Variants in FHIP1A observed in about 807,000 individuals in gnomAD.
The protein encoded by FHIP1A is FHF complex subunit HOOK interacting protein 1A, also known as FHF complex subunit HOOK-interacting protein 1A.
Under a neutral mutation model 88.6 loss-of-function variants are expected in FHIP1A, and 61 were observed. That is an observed-to-expected ratio of 0.69 (90% CI 0.56 to 0.85). The LOEUF is 0.85. Among genes scored for constraint, FHIP1A ranks in the 40% least tolerant of loss-of-function variants. The probability of loss-of-function intolerance (pLI) is 0.00; values close to 1 mark genes in which losing one functional copy is unlikely to be tolerated. For missense variants in FHIP1A, 1,154 were observed against 1,273.5 expected, an observed-to-expected ratio of 0.91 and a Z score of 1.43; for synonymous variants, 478 against 496.0, an observed-to-expected ratio of 0.96 and a Z score of 0.48.
chr4:151,541,008 G>A (rs558946006), intron 3 of FHIP1A, among the ~76,000 whole-genome samples: 25 of 152,168 alleles, frequency 1.6e-4, no homozygotes, highest in Non-Finnish European at 3.4e-4. Flanking sequence ...GAGTATGTAC[G>A]TACCTCCTAA....
chr4:151,596,340 ATG>A (rs2126821252), intron 7 of FHIP1A, among the ~76,000 whole-genome samples: 1 of 152,280 alleles, frequency 6.6e-6, no homozygotes, highest in East Asian at 1.9e-4. Context: ...AGAATGTTGA[ATG>A]TTGGCCCCCA....
chr4:151,612,884 A>C (rs1428119855), intron 7 of FHIP1A, among the ~76,000 whole-genome samples: 1 of 152,232 alleles, frequency 6.6e-6, no homozygotes, highest in Non-Finnish European at 1.5e-5. Flanking sequence ...GAGTGGCAGT[A>C]GCAGCACAGA....
At chr4:151,583,409 CCTT>C (rs1734096535) in intron 5 of FHIP1A, among the ~76,000 whole-genome samples, 1 of 152,194 alleles carries the variant, frequency 6.6e-6, no homozygotes, top group South Asian at 2.1e-4. Context: ...TAGAGAGTAT[CCTT>C]CTGTACAGGG....
intron 7 of FHIP1A, among the ~76,000 whole-genome samples, chr4:151,608,567 A>T (rs971595988): frequency 1.3e-5 from 2 of 152,236 alleles, no homozygotes; most frequent in African/African-American, 4.8e-5. Flanking sequence ...GCCGGCACCC[A>T]GGTGCTCCAG....
intron 7 of FHIP1A, among the ~76,000 whole-genome samples, chr4:151,593,062 T>G (rs926774983): frequency 1.3e-5 from 2 of 152,062 alleles, no homozygotes; most frequent in African/African-American, 4.8e-5. Context: ...TGTCGAAGAT[T>G]AGGTGGTTGT....
chr4:151,431,735 A>G (rs913790486), intron 1 of FHIP1A, among the ~76,000 whole-genome samples: 1 of 152,244 alleles, frequency 6.6e-6, no homozygotes, highest in Non-Finnish European at 1.5e-5. Context: ...ATAATGACCC[A>G]TTCAAGTTCA....
intron 3 of FHIP1A, among the ~76,000 whole-genome samples, chr4:151,534,365 T>C: frequency 6.6e-6 from 1 of 152,228 alleles, no homozygotes. Flanking sequence ...ATGGAGCTTC[T>C]ATTGTGTCAC....
chr4:151,536,569 T>C (rs1225979084), intron 3 of FHIP1A, among the ~76,000 whole-genome samples: 1 of 152,200 alleles, frequency 6.6e-6, no homozygotes, highest in Non-Finnish European at 1.5e-5. Flanking sequence ...ATGAAACTAT[T>C]TGAGATTGGC....
chr4:151,416,811 TCTCA>T (rs1732908454), intron 1 of FHIP1A, among the ~76,000 whole-genome samples: 1 of 151,814 alleles, frequency 6.6e-6, no homozygotes, highest in Non-Finnish European at 1.5e-5. Context: ...TGAAGCAGGG[TCTCA>T]CTCTGTCATC....
intron 3 of FHIP1A, among the ~76,000 whole-genome samples, chr4:151,520,654 A>G (rs1731415034): frequency 6.6e-6 from 1 of 152,178 alleles, no homozygotes. Flanking sequence ...AGCTTTACAT[A>G]ATATATTCTA....
At chr4:151,654,593 G>A (rs920093078) in intron 11 of FHIP1A, among the ~76,000 whole-genome samples, 1 of 152,174 alleles carries the variant, frequency 6.6e-6, no homozygotes, top group Admixed American at 6.5e-5. Context: ...GCAGGTGAGA[G>A]GAAGCTGAGG....
chr4:151,516,854 G>A (rs1464367491), intron 3 of FHIP1A, among the ~76,000 whole-genome samples: 1 of 151,576 alleles, frequency 6.6e-6, no homozygotes, highest in Non-Finnish European at 1.5e-5. Context: ...ACTGTTGGTG[G>A]GACTGTAAAC....
chr4:151,599,362 G>A (rs1379738136), intron 7 of FHIP1A, among the ~76,000 whole-genome samples: 2 of 152,138 alleles, frequency 1.3e-5, no homozygotes, highest in Non-Finnish European at 2.9e-5. Flanking sequence ...GTATAGTTCT[G>A]TTAGTCTGGG....
At chr4:151,648,930 C>T (rs1465974378) in intron 10 of FHIP1A, among the ~76,000 whole-genome samples, 1 of 152,028 alleles carries the variant, frequency 6.6e-6, no homozygotes. Flanking sequence ...TGATTTTACT[C>T]TAAGAGACCA....
intron 3 of FHIP1A, among the ~76,000 whole-genome samples, chr4:151,555,031 T>A (rs1015496806): frequency 2.6e-5 from 4 of 152,186 alleles, no homozygotes; most frequent in Non-Finnish European, 5.9e-5. Flanking sequence ...GATAGCATGT[T>A]CTGCTTTGTG....
intron 9 of FHIP1A, among the ~76,000 whole-genome samples, chr4:151,641,825 T>TA (rs1736598561): frequency 2.6e-5 from 4 of 152,254 alleles, no homozygotes; most frequent in Admixed American, 6.5e-5. Context: ...AGATTTATAA[T>TA]CTGTCCTTTT....
intron 2 of FHIP1A, among the ~76,000 whole-genome samples, chr4:151,460,723 T>G (rs1347275050): frequency 6.6e-6 from 1 of 152,222 alleles, no homozygotes; most frequent in East Asian, 1.9e-4. Context: ...GCTTAAAATT[T>G]TTCATTTCCA....
At chr4:151,655,676 A>G (rs1235488436) in intron 11 of FHIP1A, among the ~76,000 whole-genome samples, 21 of 151,998 alleles carry the variant, frequency 1.4e-4, no homozygotes, top group Non-Finnish European at 2.9e-5. Flanking sequence ...GACAAAACCA[A>G]ATTTTTCTCA....
At chr4:151,640,278 A>C (rs1736537991) in intron 9 of FHIP1A, among the ~76,000 whole-genome samples, 1 of 152,216 alleles carries the variant, frequency 6.6e-6, no homozygotes, top group South Asian at 2.1e-4. Flanking sequence ...GTAGTGGCCT[A>C]TTGTGGAGGG....
Sources: allele counts gnomAD v4.1 joint callset (sites outside exome capture counted in the v4.1 genomes callset), GRCh38; gene constraint gnomAD v4.1.1; transcripts MANE v1.5; gene names NCBI Gene and HGNC (gene_info 2026-07-23, HGNC 2026-07-21).